The following KLF12 variants were observed in gnomAD, a reference collection of about 807,000 sequenced individuals.
The protein encoded by KLF12 is KLF transcription factor 12.
A neutral mutation model predicts 37.8 loss-of-function variants in KLF12; 9 were observed. That is an observed-to-expected ratio of 0.24 (90% CI 0.14 to 0.42). The LOEUF is 0.42. KLF12 is among the 10% of genes least tolerant of loss of function. The pLI, the probability that KLF12 is intolerant of heterozygous loss-of-function variation, is 1.00. For missense variants in KLF12, 411 were observed against 516.0 expected (o/e 0.80, Z 1.97); for synonymous variants, 208 against 202.1 (o/e 1.03, Z -0.25).
chr13:74,259,485 C>G, the KLF12 span: 1 of 152,140 alleles, frequency 6.6e-6, no homozygotes, highest in Non-Finnish European at 1.5e-5. Flanking sequence ...GTTCCTCAGT[C>G]ATTTTCACTA....
intron 1 of KLF12, among the ~76,000 whole-genome samples, chr13:74,103,566 G>A (rs79250876): frequency 0.029 from 4,378 of 152,212 alleles, 200 homozygotes; most frequent in African/African-American, 0.099. Context: ...ATTCTGAAGC[G>A]CAAACTCCAT....
At chr13:73,933,891 G>A (rs953409473) in intron 3 of KLF12, among the ~76,000 whole-genome samples, 130 of 152,056 alleles carry the variant, frequency 8.5e-4, no homozygotes, top group African/African-American at 3.0e-3. Flanking sequence ...CCATTTTTAA[G>A]TGTACAACTC....
intron 1 of KLF12, among the ~76,000 whole-genome samples, chr13:74,004,546 C>T (rs1217889526): frequency 4.6e-5 from 7 of 152,110 alleles, no homozygotes; most frequent in Non-Finnish European, 8.8e-5. Flanking sequence ...CTTCATCATG[C>T]AATGCACAAC....
At chr13:74,257,426 A>G in the KLF12 span, 1 of 152,252 alleles carries the variant, frequency 6.6e-6, no homozygotes, top group Non-Finnish European at 1.5e-5. Flanking sequence ...CTATGCAGCC[A>G]TAGGAAAACG....
the KLF12 span, among the ~76,000 whole-genome samples, chr13:74,237,225 G>C: frequency 4.4e-4 from 57 of 128,852 alleles, no homozygotes; most frequent in East Asian, 4.1e-3. Context: ...TTGTTTTTCT[G>C]AGGTTTGTCA....
intron 1 of KLF12, among the ~76,000 whole-genome samples, chr13:74,051,987 G>C (rs993639861): frequency 6.6e-6 from 1 of 151,692 alleles, no homozygotes; most frequent in African/African-American, 2.4e-5. Context: ...AAACATCATA[G>C]TATACCCCAC....
chr13:73,840,465 G>C (rs987634116), intron 4 of KLF12, among the ~76,000 whole-genome samples: 1 of 152,066 alleles, frequency 6.6e-6, no homozygotes. Flanking sequence ...ATGTGGAACA[G>C]GCATATCAAA....
chr13:73,796,746 C>T (rs1881998082), intron 5 of KLF12, among the ~76,000 whole-genome samples: 1 of 152,128 alleles, frequency 6.6e-6, no homozygotes, highest in Non-Finnish European at 1.5e-5. Context: ...AAACATATGT[C>T]CACAGAAAAG....
the KLF12 span, among the ~76,000 whole-genome samples, chr13:74,284,111 C>T: frequency 3.1e-4 from 47 of 152,204 alleles, no homozygotes; most frequent in African/African-American, 1.0e-3. Context: ...CCTGCCTCGG[C>T]CTCCTGAAGT....
At chr13:73,897,457 C>A (rs955582554) in intron 3 of KLF12, among the ~76,000 whole-genome samples, 2 of 152,170 alleles carry the variant, frequency 1.3e-5, no homozygotes, top group Non-Finnish European at 2.9e-5. Flanking sequence ...TCAGCTCCCC[C>A]ATCCGAATCA....
At chr13:73,787,994 G>T (rs182972627) in intron 5 of KLF12, among the ~76,000 whole-genome samples, 2 of 152,020 alleles carry the variant, frequency 1.3e-5, no homozygotes, top group Non-Finnish European at 2.9e-5. Flanking sequence ...TTTAATAAAA[G>T]TATTTTAGGT....
At chr13:74,305,956 G>A in the KLF12 span, among the ~76,000 whole-genome samples, 2 of 152,004 alleles carry the variant, frequency 1.3e-5, no homozygotes, top group Non-Finnish European at 1.5e-5. Context: ...GTTTAAGCAG[G>A]GGAAAAGGCT....
chr13:73,875,248 T>C (rs1337834837), intron 3 of KLF12, among the ~76,000 whole-genome samples: 1 of 152,136 alleles, frequency 6.6e-6, no homozygotes, highest in Non-Finnish European at 1.5e-5. Context: ...CTTTTTGTCT[T>C]TTCTAATATG....
chr13:73,925,835 A>T (rs1889349751), intron 3 of KLF12, among the ~76,000 whole-genome samples: 1 of 152,172 alleles, frequency 6.6e-6, no homozygotes, highest in Non-Finnish European at 1.5e-5. Context: ...TTTCACCCAC[A>T]TGGATGACTT....
the KLF12 span, among the ~76,000 whole-genome samples, chr13:74,158,205 C>T: frequency 2.2e-4 from 34 of 152,282 alleles, no homozygotes; most frequent in African/African-American, 8.2e-4. Flanking sequence ...GGGCAGCGAC[C>T]TGTGAAGGCT....
At chr13:74,115,912 A>C (rs1443161732) in intron 1 of KLF12, among the ~76,000 whole-genome samples, 1 of 152,082 alleles carries the variant, frequency 6.6e-6, no homozygotes, top group Non-Finnish European at 1.5e-5. Context: ...TCACATCTTT[A>C]ACATAATTAC....
intron 3 of KLF12, among the ~76,000 whole-genome samples, chr13:73,889,086 C>T (rs1056535627): frequency 6.6e-6 from 1 of 152,164 alleles, no homozygotes; most frequent in African/African-American, 2.4e-5. Context: ...TAGTCTTCTT[C>T]TGTTATAATT....
chr13:73,978,360 T>A (rs1167025147), intron 2 of KLF12, among the ~76,000 whole-genome samples: 1 of 150,724 alleles, frequency 6.6e-6, no homozygotes, highest in Non-Finnish European at 1.5e-5. Context: ...ATGAAAAAAA[T>A]ATTCCACATT....
At chr13:74,000,125 A>G (rs1205163876) in intron 1 of KLF12, among the ~76,000 whole-genome samples, 1 of 152,218 alleles carries the variant, frequency 6.6e-6, no homozygotes, top group Non-Finnish European at 1.5e-5. Flanking sequence ...TCTGGTATAT[A>G]ACGGGTATTC....
Sources: allele counts gnomAD v4.1 joint callset (sites outside exome capture counted in the v4.1 genomes callset), GRCh38; gene constraint gnomAD v4.1.1; transcripts MANE v1.5; gene names NCBI Gene and HGNC (gene_info 2026-07-23, HGNC 2026-07-21).